ABCA13: variants seen among roughly 807,000 people sequenced by gnomAD.
ABCA13 encodes the protein ATP binding cassette subfamily A member 13.
In ABCA13, 476 loss-of-function variants were observed where a neutral mutation model predicts 478.7. The ratio of observed to expected loss-of-function variants is 0.99; its 90% CI spans 0.92 to 1.07. ABCA13 has a LOEUF of 1.07. Among genes scored for constraint, ABCA13 ranks in the 50% least tolerant of loss-of-function variants. ABCA13 has a pLI of 0.00. For synonymous variants in ABCA13, 2,252 were observed against 2,158.9 expected (o/e 1.04, Z -1.20); for missense variants, 6,060 against 5,910.6 (o/e 1.03, Z -0.83).
chr7:48,275,575 G>A lies in ABCA13; in HGVS notation c.5909G>A (p.Gly1970Asp), dbSNP rs538269380. ...GTCAACTTTACAAAAGTTACATCAG[G>A]TGAAAATATTCTTGACAAACTAAGT... ...KNVNFTKVTSGENILDKLSSL... is the reference protein window; with the variant it reads ...KNVNFTKVTSDENILDKLSSL... The change falls in exon 17 of 62, where the codon GGT becomes GAT. Residue 1970 changes from glycine to aspartate, a missense_variant. Around this residue, in one of 3 missense-constraint regions of ABCA13, gnomAD observed 4,423 missense variants for 4,309.1 expected, o/e 1.03. Transcript: ENST00000435803. The A allele has an allele frequency of 9.9e-6, 16 of 1,613,382 alleles. No individual in the cohort carries two copies. Among genetic ancestry groups the A allele is most frequent in the South Asian group, 7.7e-5 (7 of 91,044 alleles).
chr7:48,526,875 A>C (rs1832922586), intron 54 of ABCA13, among the ~76,000 whole-genome samples: 1 of 152,230 alleles, frequency 6.6e-6, no homozygotes, highest in South Asian at 2.1e-4. Flanking sequence ...GTACTATGTT[A>C]CATGGGAGCA....
At chr7:48,528,729 G>T (rs188781035) in intron 55 of ABCA13, among the ~76,000 whole-genome samples, 15 of 152,246 alleles carry the variant, frequency 9.9e-5, no homozygotes, top group Admixed American at 9.2e-4. Flanking sequence ...AGCCTAAGTG[G>T]CCAGATGGTT....
intron 42 of ABCA13, among the ~76,000 whole-genome samples, chr7:48,439,319 C>T (rs550129292): frequency 5.3e-5 from 8 of 152,152 alleles, no homozygotes; most frequent in African/African-American, 1.9e-4. Context: ...GGGGGCTGCT[C>T]TCAATTCTGA....
chr7:48,331,377 C>A (rs1478943457), intron 27 of ABCA13, among the ~76,000 whole-genome samples: 1 of 152,130 alleles, frequency 6.6e-6, no homozygotes, highest in Non-Finnish European at 1.5e-5. Context: ...CAGCTCTGAG[C>A]CTCATTAGTT....
intron 20 of ABCA13, among the ~76,000 whole-genome samples, chr7:48,291,547 C>T (rs575766357): frequency 6.6e-6 from 1 of 152,228 alleles, no homozygotes; most frequent in South Asian, 2.1e-4. Context: ...ATGGGTGATG[C>T]CAGAGCTCAA....
In ABCA13 at chr7:48,367,815, C is replaced by T; in HGVS notation, c.10710C>T (p.Phe3570=). ...ACAGATTCCTGAACAACGTTGGTTT[C>T]TTTTTTCCACTGATAATGATGCTGA... ...TSDLFLNNVG[F]FFPLIMMLTW... The change falls in exon 32 of 62, where the codon TTC becomes TTT. Residue 3570 remains phenylalanine (F), a synonymous_variant. Transcript: ENST00000435803. The T allele has an allele frequency of 6.4e-7, 1 of 1,569,518 alleles. No homozygotes were observed. The highest frequency in any genetic ancestry group is 8.7e-7 in the Non-Finnish European group (1 of 1,155,882).
chr7:48,642,752 C>G (rs1481809659), intron 59 of ABCA13, among the ~76,000 whole-genome samples: 1 of 152,150 alleles, frequency 6.6e-6, no homozygotes, highest in East Asian at 1.9e-4. Flanking sequence ...AGGAACAGAG[C>G]CCCTTAGGCA....
At chr7:48,534,085 T>C (rs1318649961) in intron 55 of ABCA13, among the ~76,000 whole-genome samples, 1 of 152,182 alleles carries the variant, frequency 6.6e-6, no homozygotes, top group Non-Finnish European at 1.5e-5. Flanking sequence ...ATTTATGCTT[T>C]AAAGAGGTTC....
intron 30 of ABCA13, 118 bp downstream of exon 30, chr7:48,350,937 A>T: frequency 9.5e-7 from 1 of 1,056,960 alleles, no homozygotes; most frequent in Non-Finnish European, 1.3e-6. Flanking sequence ...AGTCCTTTCC[A>T]GATAAAACAT....
chr7:48,234,957 C>G (rs17132158), intron 8 of ABCA13, among the ~76,000 whole-genome samples: 21,288 of 152,132 alleles, frequency 0.14, 1,603 homozygotes, highest in African/African-American at 0.2. Context: ...TGTGAGTTCC[C>G]CACAACCTGG....
Position 48,278,358 on chromosome 7 carries a change from G to A in ABCA13, c.7164G>A (p.Val2388=), listed in dbSNP as rs1263210810. Reference sequence around the variant, plus strand: ...AAAATAATATAGACTTTTTCACAGTGGTGAGTCAGTTGTTTTTCCATGTGA... The same window carrying A: ...AAAATAATATAGACTTTTTCACAGTAGTGAGTCAGTTGTTTTTCCATGTGA... The part of the protein sequence containing the change: ...KTENNIDFFT[V]VSQLFFHVNK... The change falls in exon 18 of 62, where the codon GTG becomes GTA. Residue 2388 remains valine, a synonymous_variant. Transcript: ENST00000435803. 1 of 1,613,626 alleles carries A rather than the reference G, an allele frequency of 6.2e-7. No homozygotes were observed. Among genetic ancestry groups the A allele is most frequent in the Admixed American group, 1.7e-5 (1 of 59,950 alleles).
At chr7:48,625,472 C>T (rs866150069) in intron 59 of ABCA13, among the ~76,000 whole-genome samples, 15 of 152,286 alleles carry the variant, frequency 9.8e-5, no homozygotes, top group Admixed American at 4.6e-4. Context: ...TATAATTCAC[C>T]TGCTGCTACT....
chr7:48,213,667 T>G (rs1471633598), intron 3 of ABCA13, among the ~76,000 whole-genome samples: 1 of 152,226 alleles, frequency 6.6e-6, no homozygotes, highest in East Asian at 1.9e-4. Flanking sequence ...TTTATAGCAT[T>G]TACTTACAGT....
Position 48,478,714 on chromosome 7 carries a change from A to G in ABCA13, c.12976-2322A>G, listed in dbSNP as rs555600012. Among the ~76,000 whole-genome samples the G allele has an allele frequency of 6.6e-5, 10 of 152,224 alleles. No individual in the cohort carries two copies. The South Asian group carries it at 2.1e-3, about 32-fold the overall frequency. On this transcript the variant is annotated intron_variant, in intron 45 of 61. Transcript: ENST00000435803. ...TGGTTACATTCTTGGTCTTACAGGG[A>G]GGAGAAGAAATAAAACATTCTCCTT...
At chr7:48,476,380 C>T (rs780728778) in intron 45 of ABCA13, among the ~76,000 whole-genome samples, 6 of 152,136 alleles carry the variant, frequency 3.9e-5, no homozygotes, top group African/African-American at 7.2e-5. Flanking sequence ...AAAATAATAA[C>T]GAGCTGATTA....
At chr7:48,209,808 A>G (rs138291980) in intron 3 of ABCA13, among the ~76,000 whole-genome samples, 307 of 152,232 alleles carry the variant, frequency 2.0e-3, no homozygotes, top group African/African-American at 7.0e-3. Flanking sequence ...TGATCCTTTG[A>G]ATCTTTGTGG....
chr7:48,472,652 C>A (rs1337847101), intron 45 of ABCA13, among the ~76,000 whole-genome samples: 1 of 152,048 alleles, frequency 6.6e-6, no homozygotes, highest in African/African-American at 2.4e-5. Context: ...AAAGCGTTGT[C>A]ATTTTGCAGT....
intron 58 of ABCA13, among the ~76,000 whole-genome samples, chr7:48,608,363 A>G (rs1195559789): frequency 6.6e-6 from 1 of 152,254 alleles, no homozygotes; most frequent in East Asian, 1.9e-4. Flanking sequence ...ATGTTAGCCT[A>G]ACTTTACTGG....
chr7:48,279,556 G>T lies in ABCA13; in HGVS notation c.8362G>T (p.Asp2788Tyr). 6.2e-7 allele frequency: 1 copy of T among 1,613,410 alleles called. No homozygotes were observed. Among genetic ancestry groups the T allele is most frequent in the South Asian group, 1.1e-5 (1 of 90,984 alleles). Reference sequence around the variant, plus strand: ...AGAGGCCTCCAGTGGAATTAAAAGTGACTATGAAGGTGATTTGAATAAAAG... The same window carrying T: ...AGAGGCCTCCAGTGGAATTAAAAGTTACTATGAAGGTGATTTGAATAAAAG... ...VLEASSGIKS[D>Y]YEGDLNKSLY... The change falls in exon 18 of 62, where the codon GAC becomes TAC. Residue 2788 changes from aspartate (D) to tyrosine (Y), a missense_variant. Around this residue, in one of 3 missense-constraint regions of ABCA13, gnomAD observed 4,423 missense variants for 4,309.1 expected, o/e 1.03. Transcript: ENST00000435803.
Sources: allele counts gnomAD v4.1 joint callset (sites outside exome capture counted in the v4.1 genomes callset), GRCh38; gene constraint gnomAD v4.1.1; regional missense constraint gnomAD v4.1.1; transcripts MANE v1.5; gene names NCBI Gene and HGNC (gene_info 2026-07-23, HGNC 2026-07-21).